NDST3: variants seen among roughly 807,000 people sequenced by gnomAD.
NDST3 encodes the protein bifunctional heparan sulfate N-deacetylase/N-sulfotransferase 3.
Under a neutral mutation model 96.1 loss-of-function variants are expected in NDST3, and 58 were observed. The ratio of observed to expected loss-of-function variants is 0.60; its 90% CI spans 0.49 to 0.75. The LOEUF is 0.75. Among genes scored for constraint, NDST3 ranks in the 30% least tolerant of loss-of-function variants. The probability of loss-of-function intolerance (pLI) is 0.00; values close to 1 mark genes in which losing one functional copy is unlikely to be tolerated. For synonymous variants in NDST3, 333 were observed against 359.7 expected (o/e 0.93, Z 0.84); for missense variants, 788 against 1,034.2 (o/e 0.76, Z 3.27).
Position 118,255,737 on chromosome 4 carries a change from A to G in NDST3, c.*25A>G, listed in dbSNP as rs372464423. The G allele has an allele frequency of 4.8e-5, 77 of 1,600,596 alleles. 4 individuals are homozygous for G. The highest frequency in any genetic ancestry group is 9.4e-6 in the Non-Finnish European group (11 of 1,172,814). On this transcript the variant is annotated 3_prime_UTR_variant, in exon 14 of 14. Transcript: ENST00000296499. ...GCACTGAGAGAAAACTTGAGACTTCATCGTCCATGTAGAACACACCTTTTC... is the reference window on the plus strand; with the variant it reads ...GCACTGAGAGAAAACTTGAGACTTCGTCGTCCATGTAGAACACACCTTTTC...
At chr4:118,109,721 T>C (rs1179959598) in intron 3 of NDST3, among the ~76,000 whole-genome samples, 1 of 152,208 alleles carries the variant, frequency 6.6e-6, no homozygotes, top group Non-Finnish European at 1.5e-5. Context: ...TTAGATGGGA[T>C]AAAAAGTAAT....
At position 118,132,212 on chromosome 4, in the gene NDST3, G is replaced by A. The variant is rs72907166; in HGVS notation, c.1225-5842G>A. On this transcript the variant is annotated intron_variant, in intron 4 of 13. Transcript: ENST00000296499. ...TGCTGTCTGGGAGCCAAGGATTAGA[G>A]TGAAAAACATTAGAAATTTGCCTGA... Among the ~76,000 whole-genome samples the A allele has an allele frequency of 6.7e-3, 1,021 of 152,268 alleles. 8 individuals carry two copies. Among genetic ancestry groups the A allele is most frequent in the African/African-American group, 0.023 (971 of 41,544 alleles).
intron 2 of NDST3, among the ~76,000 whole-genome samples, chr4:118,078,211 T>A (rs1282798262): frequency 5.9e-5 from 9 of 152,140 alleles, no homozygotes; most frequent in African/African-American, 2.2e-4. Context: ...CTGCTCTCTA[T>A]GTCTCCCTGC....
chr4:118,138,622 G>A (rs1048074912), intron 5 of NDST3, among the ~76,000 whole-genome samples: 1 of 152,100 alleles, frequency 6.6e-6, no homozygotes, highest in African/African-American at 2.4e-5. Context: ...CAGTCAAACT[G>A]TGTTCTTCTA....
chr4:118,113,585 T>C (rs1417838212), intron 3 of NDST3, among the ~76,000 whole-genome samples: 1 of 152,228 alleles, frequency 6.6e-6, no homozygotes, highest in Non-Finnish European at 1.5e-5. Context: ...TTCCTGCCAA[T>C]AGGCTCTGCC....
intron 6 of NDST3, chr4:118,193,755 T>G: frequency 6.8e-7 from 1 of 1,472,286 alleles, no homozygotes; most frequent in South Asian, 1.2e-5. Context: ...AGGGCCTTGT[T>G]ACAGCTTTCA....
chr4:118,234,637 T>C (rs1476843382), intron 9 of NDST3, among the ~76,000 whole-genome samples: 1 of 151,908 alleles, frequency 6.6e-6, no homozygotes, highest in Non-Finnish European at 1.5e-5. Flanking sequence ...TTTTGAAAAA[T>C]TTATGGTAAA....
intron 6 of NDST3, among the ~76,000 whole-genome samples, chr4:118,217,015 G>C (rs952624665): frequency 6.6e-6 from 1 of 152,056 alleles, no homozygotes; most frequent in Admixed American, 6.6e-5. Flanking sequence ...CACAAAACAA[G>C]CCAGGATAAG....
intron 6 of NDST3, among the ~76,000 whole-genome samples, chr4:118,178,397 A>G (rs1346487968): frequency 6.6e-6 from 1 of 152,034 alleles, no homozygotes; most frequent in East Asian, 1.9e-4. Context: ...AAACTTGACT[A>G]TTCCAGGTAC....
intron 1 of NDST3, among the ~76,000 whole-genome samples, chr4:118,045,949 A>G (rs549613644): frequency 6.6e-6 from 1 of 152,112 alleles, no homozygotes; most frequent in Admixed American, 6.5e-5. Flanking sequence ...AGAAGCACCC[A>G]GGAATTCCAG....
intron 2 of NDST3, among the ~76,000 whole-genome samples, chr4:118,096,058 A>G (rs924393610): frequency 1.3e-5 from 2 of 151,900 alleles, no homozygotes; most frequent in Non-Finnish European, 2.9e-5. Context: ...TTGTCTGAAC[A>G]CTGTGTTTTG....
chr4:118,126,830 T>G (rs1223006259), intron 4 of NDST3, among the ~76,000 whole-genome samples: 1 of 152,072 alleles, frequency 6.6e-6, no homozygotes, highest in Non-Finnish European at 1.5e-5. Flanking sequence ...ACGGTTTTCT[T>G]TTCTCTACAT....
intron 2 of NDST3, among the ~76,000 whole-genome samples, chr4:118,083,706 T>G (rs1190609605): frequency 6.6e-6 from 1 of 152,188 alleles, no homozygotes; most frequent in Non-Finnish European, 1.5e-5. Flanking sequence ...AGTGCTTTCA[T>G]GTATTATTTC....
chr4:118,192,328 C>T (rs551781370), intron 6 of NDST3, among the ~76,000 whole-genome samples: 1 of 152,250 alleles, frequency 6.6e-6, no homozygotes, highest in East Asian at 1.9e-4. Flanking sequence ...GTTGCCTGTG[C>T]TTGTGGGGTA....
chr4:118,124,849 T>C (rs886101545), intron 4 of NDST3, among the ~76,000 whole-genome samples: 2 of 152,104 alleles, frequency 1.3e-5, no homozygotes, highest in African/African-American at 4.8e-5. Context: ...CTTTAACACT[T>C]TTATCCAAAG....
intron 2 of NDST3, among the ~76,000 whole-genome samples, chr4:118,097,903 G>A (rs748259813): frequency 7.9e-5 from 12 of 151,222 alleles, no homozygotes; most frequent in Non-Finnish European, 1.0e-4. Flanking sequence ...TTGACATCAC[G>A]CTGGGTTTTG....
intron 4 of NDST3, among the ~76,000 whole-genome samples, chr4:118,137,852 C>T (rs1019696117): frequency 3.2e-4 from 48 of 152,260 alleles, no homozygotes; most frequent in African/African-American, 1.2e-3. Flanking sequence ...AACACAGATG[C>T]ATCAACATAA....
chr4:118,105,908 G>A (rs1730142690), intron 3 of NDST3, among the ~76,000 whole-genome samples: 2 of 152,156 alleles, frequency 1.3e-5, no homozygotes, highest in East Asian at 1.9e-4. Context: ...CAAAATGGTT[G>A]TACCTGTTTA....
chr4:118,136,877 A>T (rs1445338159), intron 4 of NDST3, among the ~76,000 whole-genome samples: 1 of 152,204 alleles, frequency 6.6e-6, no homozygotes, highest in Non-Finnish European at 1.5e-5. Flanking sequence ...AGATGAGGCT[A>T]TATAGGTAGG....
Sources: allele counts gnomAD v4.1 joint callset (sites outside exome capture counted in the v4.1 genomes callset), GRCh38; gene constraint gnomAD v4.1.1; transcripts MANE v1.5; gene names NCBI Gene and HGNC (gene_info 2026-07-23, HGNC 2026-07-21).